The following DYM variants were observed in gnomAD, a reference collection of about 807,000 sequenced individuals.
DYM encodes dyggve-Melchior-Clausen syndrome protein.
A neutral mutation model predicts 93.1 loss-of-function variants in DYM; 78 were observed. The ratio of observed to expected loss-of-function variants is 0.84; its 90% CI spans 0.70 to 1.01. The LOEUF (loss-of-function observed/expected upper bound fraction) is 1.01, where lower values mean the gene tolerates loss of function less well. Ranked by LOEUF, DYM falls within the 50% of genes least tolerant of loss-of-function variation. The probability of loss-of-function intolerance (pLI) is 0.00; values close to 1 mark genes in which losing one functional copy is unlikely to be tolerated. For synonymous variants in DYM, 321 were observed against 319.7 expected (o/e 1.00, Z -0.04); for missense variants, 789 against 845.0 (o/e 0.93, Z 0.82).
In DYM at chr18:49,099,705, A is replaced by C. The variant is rs538241838; in HGVS notation, c.1912-2190T>G. 5.3e-5 allele frequency among the ~76,000 whole-genome samples: 8 copies of C among 152,322 alleles called. No homozygotes were observed. The East Asian group carries it at 1.5e-3, about 29-fold the overall frequency. On this transcript the variant is annotated intron_variant, in intron 16 of 17. Coordinates refer to ENST00000675505, the MANE Select transcript of DYM (RefSeq NM_001353214.3). ...ACAGATTACTAATCACAGCAATTTCACATGACCATCAGCAAGCACAGTATT... is the reference window on the plus strand; with the variant it reads ...ACAGATTACTAATCACAGCAATTTCCCATGACCATCAGCAAGCACAGTATT...
intron 14 of DYM, among the ~76,000 whole-genome samples, chr18:49,198,452 G>A (rs575983815): frequency 7.2e-5 from 11 of 152,262 alleles, no homozygotes; most frequent in Admixed American, 2.6e-4. Context: ...GCAACCTACA[G>A]AATGGGAGAA....
At chr18:49,404,802 G>A (rs904851724) in intron 2 of DYM, among the ~76,000 whole-genome samples, 3 of 152,008 alleles carry the variant, frequency 2.0e-5, no homozygotes, top group East Asian at 1.9e-4. Context: ...GGTGAATCAC[G>A]AGGTCAGGAG....
chr18:49,220,832 G>T lies in DYM; in HGVS notation c.1461-11117C>A, dbSNP rs1274318771. 1.3e-5 allele frequency among the ~76,000 whole-genome samples: 2 copies of T among 152,156 alleles called. 1 individual carries two copies. Among genetic ancestry groups the T allele is most frequent in the Non-Finnish European group, 2.9e-5 (2 of 68,038 alleles). On this transcript the variant is annotated intron_variant, in intron 13 of 17. Coordinates refer to ENST00000675505, the MANE Select transcript of DYM (RefSeq NM_001353214.3). ...AGAAAACCTAGGCAATACCATTCAG[G>T]ACATAGGCATGGGCAAGGACTTCAT...
At chr18:49,382,993 A>G (rs573621015) in intron 3 of DYM, among the ~76,000 whole-genome samples, 1 of 152,358 alleles carries the variant, frequency 6.6e-6, no homozygotes, top group East Asian at 1.9e-4. Context: ...CAACCAATGT[A>G]GAGAAAATAC....
At chr18:49,347,460 A>G (rs2064696988) in intron 6 of DYM, among the ~76,000 whole-genome samples, 1 of 152,218 alleles carries the variant, frequency 6.6e-6, no homozygotes, top group Non-Finnish European at 1.5e-5. Flanking sequence ...AAAAAAACGA[A>G]GTTACCCTAA....
At chr18:49,102,619 A>C (rs949791653) in intron 16 of DYM, among the ~76,000 whole-genome samples, 6 of 151,684 alleles carry the variant, frequency 4.0e-5, no homozygotes, top group Non-Finnish European at 8.8e-5. Context: ...TCCTGTGTCC[A>C]TGTGTTCTCA....
chr18:49,360,190 AT>A (rs2065898331), intron 6 of DYM, among the ~76,000 whole-genome samples: 2 of 151,098 alleles, frequency 1.3e-5, no homozygotes, highest in Admixed American at 6.6e-5. Flanking sequence ...TTTGGAGCCA[AT>A]TTACTATCTA....
chr18:49,221,107 A>C (rs2144060023), intron 13 of DYM, among the ~76,000 whole-genome samples: 1 of 152,338 alleles, frequency 6.6e-6, no homozygotes, highest in African/African-American at 2.4e-5. Context: ...ACATGAACAG[A>C]CACTTCTCAA....
intron 17 of DYM, among the ~76,000 whole-genome samples, chr18:49,071,233 A>G (rs1314123686): frequency 1.3e-5 from 2 of 152,248 alleles, no homozygotes; most frequent in Non-Finnish European, 2.9e-5. Flanking sequence ...AGAACTAGGC[A>G]CATGATTTGA....
chr18:49,317,652 CCTTCCTTCCTTCCT>C lies in DYM; in HGVS notation c.763+14198_763+14211del, dbSNP rs1568236934. On this transcript the variant is annotated intron_variant, in intron 8 of 17. Transcript: ENST00000675505. ...CCCTCTCCTATCCTCTCCTCTCCTT[CCTTCCTTCCTTCCT>C]TCCTTCCTTCCTTCCTTCCTTCCTT... Among the ~76,000 whole-genome samples the C allele has an allele frequency of 4.5e-3, 265 of 58,740 alleles. 2 individuals are homozygous for C. The highest frequency in any genetic ancestry group is 0.016 in the African/African-American group (244 of 15,404). 38.5% of individuals were successfully genotyped at this position (58,740 alleles called of 152,430 possible).
intron 6 of DYM, among the ~76,000 whole-genome samples, chr18:49,354,466 A>G (rs778384271): frequency 3.9e-5 from 6 of 152,076 alleles, no homozygotes; most frequent in East Asian, 1.9e-4. Flanking sequence ...AAAAATTTCT[A>G]TTCTGTGAAA....
chr18:49,391,195 A>G (rs1396662055), intron 3 of DYM, among the ~76,000 whole-genome samples: 1 of 152,238 alleles, frequency 6.6e-6, no homozygotes, highest in African/African-American at 2.4e-5. Flanking sequence ...ATGATTCTGG[A>G]TTCCATGCTC....
intron 9 of DYM, among the ~76,000 whole-genome samples, 187 bp downstream of exon 9, chr18:49,286,247 G>T (rs1316044341): frequency 6.6e-6 from 1 of 152,064 alleles, no homozygotes; most frequent in East Asian, 1.9e-4. Flanking sequence ...AGATATAAAG[G>T]ATCAGATATA....
chr18:49,299,452 G>C (rs1005892085), intron 8 of DYM, among the ~76,000 whole-genome samples: 1 of 152,110 alleles, frequency 6.6e-6, no homozygotes, highest in East Asian at 1.9e-4. Context: ...ACCACCACCA[G>C]AGACTCCTTC....
At chr18:49,054,277 T>G (rs1273590602) in intron 17 of DYM, among the ~76,000 whole-genome samples, 1 of 152,226 alleles carries the variant, frequency 6.6e-6, no homozygotes, top group East Asian at 1.9e-4. Flanking sequence ...AGTCTTGCTG[T>G]GTCACCCAAG....
At chr18:49,145,707 TATA>T (rs1236506894) in intron 15 of DYM, among the ~76,000 whole-genome samples, 1 of 152,326 alleles carries the variant, frequency 6.6e-6, no homozygotes, top group African/African-American at 2.4e-5. Flanking sequence ...AGCTGCATGG[TATA>T]ATACTTTCTT....
At chr18:49,441,204 TTATA>T (rs1168181687) in intron 1 of DYM, among the ~76,000 whole-genome samples, 4 of 38,204 alleles carry the variant, frequency 1.0e-4, no homozygotes, top group South Asian at 7.3e-4. Flanking sequence ...ATATTATATA[TTATA>T]TATATTATAT....
intron 6 of DYM, among the ~76,000 whole-genome samples, chr18:49,339,390 TGA>T (rs1402638939): frequency 6.6e-6 from 1 of 152,182 alleles, no homozygotes; most frequent in Non-Finnish European, 1.5e-5. Context: ...ACAACAAAAG[TGA>T]GAGTTATGTC....
At chr18:49,251,241 G>T (rs1024689121) in intron 13 of DYM, among the ~76,000 whole-genome samples, 5 of 152,212 alleles carry the variant, frequency 3.3e-5, no homozygotes, top group African/African-American at 1.2e-4. Flanking sequence ...GTGTGCAGGG[G>T]TGAGTAGGGA....
Sources: allele counts gnomAD v4.1 joint callset (sites outside exome capture counted in the v4.1 genomes callset), GRCh38; gene constraint gnomAD v4.1.1; transcripts MANE v1.5; gene names NCBI Gene and HGNC (gene_info 2026-07-23, HGNC 2026-07-21).